RETREG1: variants seen among roughly 807,000 people sequenced by gnomAD.
The protein encoded by RETREG1 is family with sequence similarity 134 member B.
Under a neutral mutation model 54.8 loss-of-function variants are expected in RETREG1, and 44 were observed. The observed-to-expected ratio is 0.80, with a 90% CI of 0.63 to 1.03. The LOEUF (loss-of-function observed/expected upper bound fraction) is 1.03, where lower values mean the gene tolerates loss of function less well. Among genes scored for constraint, RETREG1 ranks in the 50% least tolerant of loss-of-function variants. The pLI, the probability that RETREG1 is intolerant of heterozygous loss-of-function variation, is 0.00. For missense variants in RETREG1, 554 were observed against 605.1 expected (o/e 0.92, Z 0.89); for synonymous variants, 217 against 238.5 (o/e 0.91, Z 0.83).
At chr5:16,522,637 G>C (rs1194932802) in intron 3 of RETREG1, among the ~76,000 whole-genome samples, 1 of 152,150 alleles carries the variant, frequency 6.6e-6, no homozygotes, top group African/African-American at 2.4e-5. Context: ...TTCCTCATGA[G>C]GGGTTTCCTC....
rs556037481 is a variant in RETREG1, at chr5:16,502,011, T to C, written c.459-18539A>G. 3.0e-4 allele frequency among the ~76,000 whole-genome samples: 44 copies of C among 147,238 alleles called. 1 individual carries two copies. In the South Asian group the frequency reaches 8.7e-3, roughly 29 times the overall value. ...TCACTCTGTTGCCCAGGCTGGAGTG[T>C]AGTGGCGTGATCTCGGCTCACTGCA... On this transcript the variant is annotated intron_variant, in intron 3 of 8. Transcript: ENST00000306320.
At chr5:16,512,820 G>T (rs1245715957) in intron 3 of RETREG1, among the ~76,000 whole-genome samples, 1 of 152,036 alleles carries the variant, frequency 6.6e-6, no homozygotes, top group Non-Finnish European at 1.5e-5. Context: ...GCCAAATGAG[G>T]CCTTCTGTGA....
At position 16,590,161 on chromosome 5, in the gene RETREG1, T is replaced by A. The variant is rs553622845; in HGVS notation, c.321-18059A>T. On this transcript the variant is annotated intron_variant, in intron 1 of 8. Coordinates refer to ENST00000306320, the MANE Select transcript of RETREG1 (RefSeq NM_001034850.3). Reference sequence around the variant, plus strand: ...TTTTGACAGCTTTCAATTCTTCAGGTTCCCCCAACCCCAGCTGCTGATCCT... The same window carrying A: ...TTTTGACAGCTTTCAATTCTTCAGGATCCCCCAACCCCAGCTGCTGATCCT... Among the ~76,000 whole-genome samples the A allele has an allele frequency of 2.0e-5, 3 of 152,238 alleles. No homozygotes were observed. In the South Asian group the frequency reaches 6.2e-4, roughly 32 times the overall value.
chr5:16,589,310 T>G (rs1742696584), intron 1 of RETREG1, among the ~76,000 whole-genome samples: 1 of 151,182 alleles, frequency 6.6e-6, no homozygotes, highest in Non-Finnish European at 1.5e-5. Context: ...TTTTCAAAAC[T>G]TGAGTGTTTT....
chr5:16,514,047 A>G (rs759063712), intron 3 of RETREG1, among the ~76,000 whole-genome samples: 4 of 152,264 alleles, frequency 2.6e-5, no homozygotes, highest in Non-Finnish European at 4.4e-5. Context: ...TTTTTAAGAT[A>G]TGCCTGAATT....
At chr5:16,604,481 G>A (rs901038198) in intron 1 of RETREG1, among the ~76,000 whole-genome samples, 1 of 152,226 alleles carries the variant, frequency 6.6e-6, no homozygotes, top group Non-Finnish European at 1.5e-5. Flanking sequence ...CACAGAAAGT[G>A]TGCCACGAAA....
intron 5 of RETREG1, 42 bp downstream of exon 5, chr5:16,480,967 A>T (rs780647975): frequency 3.1e-6 from 4 of 1,306,882 alleles, no homozygotes; most frequent in Non-Finnish European, 4.4e-6. Context: ...AGGTGATACC[A>T]TATGCATCAC....
intron 1 of RETREG1, among the ~76,000 whole-genome samples, chr5:16,589,378 G>A (rs1000093963): frequency 5.4e-5 from 8 of 148,826 alleles, no homozygotes; most frequent in Non-Finnish European, 1.0e-4. Context: ...TTTTTTGTTT[G>A]TTTATTTGTT....
intron 3 of RETREG1, among the ~76,000 whole-genome samples, chr5:16,565,383 T>C (rs1741978878): frequency 6.6e-6 from 1 of 152,100 alleles, no homozygotes; most frequent in South Asian, 2.1e-4. Context: ...TCGGGAACAT[T>C]CCAGCAGCCT....
chr5:16,487,952 G>GTT (rs1008631596), intron 3 of RETREG1, among the ~76,000 whole-genome samples: 8 of 152,198 alleles, frequency 5.3e-5, no homozygotes, highest in Non-Finnish European at 1.2e-4. Context: ...CCTTCATGCA[G>GTT]TTCCTGCAGC....
intron 3 of RETREG1, among the ~76,000 whole-genome samples, chr5:16,525,170 G>A (rs575869537): frequency 2.4e-4 from 32 of 133,542 alleles, no homozygotes; most frequent in African/African-American, 8.5e-4. Context: ...GCAGGTGGAT[G>A]TGCATAGGGG....
chr5:16,609,714 A>T (rs1444796176), intron 1 of RETREG1, among the ~76,000 whole-genome samples: 2 of 152,190 alleles, frequency 1.3e-5, no homozygotes, highest in Non-Finnish European at 2.9e-5. Context: ...GAGAAGACTC[A>T]GTGGGAACCA....
At chr5:16,532,574 T>C (rs1740946259) in intron 3 of RETREG1, among the ~76,000 whole-genome samples, 1 of 152,232 alleles carries the variant, frequency 6.6e-6, no homozygotes, top group Non-Finnish European at 1.5e-5. Flanking sequence ...CTTTTTATTT[T>C]GCCAAAGTGT....
intron 3 of RETREG1, among the ~76,000 whole-genome samples, chr5:16,555,147 T>C (rs1403216806): frequency 6.6e-6 from 1 of 151,010 alleles, no homozygotes; most frequent in Non-Finnish European, 1.5e-5. Context: ...GGGTTGTCTA[T>C]TTATTAATTT....
At position 16,477,803 on chromosome 5, in the gene RETREG1, A is replaced by G. The variant is rs756981315; in HGVS notation, c.874-15T>C. 6.2e-7 allele frequency: 1 copy of G among 1,613,200 alleles called. No individual in the cohort carries two copies. The highest frequency in any genetic ancestry group is 2.2e-5 in the East Asian group (1 of 44,850). On this transcript the variant is annotated splice_polypyrimidine_tract_variant and intron_variant, in intron 7 of 8. Coordinates refer to ENST00000306320, the MANE Select transcript of RETREG1 (RefSeq NM_001034850.3). ...GTGAGGCTAATCTGTGTTAATATAAATAAATACCAGCGGCACATTTTAAAC... is the reference window on the plus strand; with the variant it reads ...GTGAGGCTAATCTGTGTTAATATAAGTAAATACCAGCGGCACATTTTAAAC...
At chr5:16,606,548 AACCTC>A (rs1489997924) in intron 1 of RETREG1, among the ~76,000 whole-genome samples, 1 of 152,158 alleles carries the variant, frequency 6.6e-6, no homozygotes, top group Non-Finnish European at 1.5e-5. Flanking sequence ...AAACCTGGGC[AACCTC>A]AGCCTGCCGC....
At chr5:16,579,413 T>A (rs1419306311) in intron 1 of RETREG1, among the ~76,000 whole-genome samples, 2 of 152,192 alleles carry the variant, frequency 1.3e-5, no homozygotes, top group Admixed American at 6.5e-5. Flanking sequence ...AGTGTCTGCC[T>A]CTTAATCTGC....
chr5:16,497,324 G>A (rs775483392), intron 3 of RETREG1, among the ~76,000 whole-genome samples: 2 of 152,174 alleles, frequency 1.3e-5, no homozygotes, highest in Admixed American at 6.5e-5. Flanking sequence ...GTTCTTCTAC[G>A]GAAGTTGGAT....
At chr5:16,502,397 T>C (rs955859864) in intron 3 of RETREG1, among the ~76,000 whole-genome samples, 10 of 152,204 alleles carry the variant, frequency 6.6e-5, no homozygotes, top group Non-Finnish European at 1.5e-4. Context: ...TTGAATATGG[T>C]GGGACTGATG....
Sources: allele counts gnomAD v4.1 joint callset (sites outside exome capture counted in the v4.1 genomes callset), GRCh38; gene constraint gnomAD v4.1.1; transcripts MANE v1.5; gene names NCBI Gene and HGNC (gene_info 2026-07-23, HGNC 2026-07-21).